The following PTCHD4 variants were observed in gnomAD, a reference collection of about 807,000 sequenced individuals.
PTCHD4 encodes patched domain containing 4, also known as patched domain-containing protein 4.
A neutral mutation model predicts 58.1 loss-of-function variants in PTCHD4; 33 were observed. The observed-to-expected ratio is 0.57, with a 90% CI of 0.43 to 0.76. The LOEUF is 0.76. Among genes scored for constraint, PTCHD4 ranks in the 30% least tolerant of loss-of-function variants. The pLI, the probability that PTCHD4 is intolerant of heterozygous loss-of-function variation, is 0.00. For synonymous variants in PTCHD4, 478 were observed against 409.6 expected (o/e 1.17, Z -2.02); for missense variants, 1,058 against 1,027.1 (o/e 1.03, Z -0.41).
In PTCHD4 at chr6:48,060,882, G is replaced by A. The variant is rs202066376; in HGVS notation, c.417+7348C>T. 2.5e-4 allele frequency among the ~76,000 whole-genome samples: 38 copies of A among 152,316 alleles called. No homozygotes were observed. The East Asian group carries it at 6.4e-3, about 26-fold the overall frequency. ...CATCGACTGTTCCAACACAAATCCTGTAACTAAACACAATCCATTCATTTT... is the reference window on the plus strand; with the variant it reads ...CATCGACTGTTCCAACACAAATCCTATAACTAAACACAATCCATTCATTTT... On this transcript the variant is annotated intron_variant, in intron 3 of 4. Coordinates refer to ENST00000339488, the MANE Select transcript of PTCHD4 (RefSeq NM_001384253.1).
chr6:47,926,347 T>C (rs1765613551), intron 4 of PTCHD4, among the ~76,000 whole-genome samples: 1 of 152,216 alleles, frequency 6.6e-6, no homozygotes, highest in Non-Finnish European at 1.5e-5. Flanking sequence ...AGAACTAGGA[T>C]ACTATTTTTT....
chr6:47,965,310 T>C (rs2113976462), intron 4 of PTCHD4, among the ~76,000 whole-genome samples: 1 of 152,318 alleles, frequency 6.6e-6, no homozygotes, highest in South Asian at 2.1e-4. Flanking sequence ...GTTGCGAAAA[T>C]ATCACCTGTA....
chr6:47,946,315 T>G (rs941573492), intron 4 of PTCHD4, among the ~76,000 whole-genome samples: 1 of 152,172 alleles, frequency 6.6e-6, no homozygotes, highest in Non-Finnish European at 1.5e-5. Flanking sequence ...CAATAGTAAA[T>G]TTTTAATTTA....
intron 4 of PTCHD4, among the ~76,000 whole-genome samples, chr6:47,912,238 C>T (rs77334284): frequency 6.6e-6 from 1 of 152,054 alleles, no homozygotes; most frequent in Non-Finnish European, 1.5e-5. Context: ...ACAATAGACA[C>T]CTTCTTGATC....
Position 47,879,731 on chromosome 6 carries a change from CAT to C in PTCHD4, c.1102_1103del (p.Met368ValfsTer37), listed in dbSNP as rs761613240. 2 of 1,613,618 alleles carry C rather than the reference CAT, an allele frequency of 1.2e-6. No homozygotes were observed. The highest frequency in any genetic ancestry group is 1.1e-5 in the South Asian group (1 of 91,060). On this transcript the variant is annotated frameshift_variant, in exon 5 of 5. Coordinates refer to ENST00000339488, the MANE Select transcript of PTCHD4 (RefSeq NM_001384253.1). LOFTEE classifies it high-confidence loss of function. The part of the protein sequence containing the change: ...IEAVKVFCQN[M>X]CVSILLNYFY... ...AGTAGTTCAACAGAATAGAGACACA[CAT>C]GTTTTGACAGAAGACCTTCACAGCC...
chr6:47,925,967 G>A (rs565515984), intron 4 of PTCHD4, among the ~76,000 whole-genome samples: 9 of 152,192 alleles, frequency 5.9e-5, no homozygotes, highest in Admixed American at 2.0e-4. Flanking sequence ...GGCAGATGAG[G>A]CTTCCAAGAC....
intron 4 of PTCHD4, among the ~76,000 whole-genome samples, chr6:47,890,413 A>G (rs901441176): frequency 1.3e-5 from 2 of 152,076 alleles, no homozygotes; most frequent in Non-Finnish European, 2.9e-5. Flanking sequence ...TTTAAATCCC[A>G]TATCTCCTAC....
chr6:48,008,069 G>T (rs2114080805), intron 4 of PTCHD4, among the ~76,000 whole-genome samples: 1 of 152,148 alleles, frequency 6.6e-6, no homozygotes, highest in East Asian at 1.9e-4. Flanking sequence ...TTTCACCAAA[G>T]ATGAAAAAAA....
Position 47,875,108 on chromosome 6 carries a change from C to T in PTCHD4, c.*3195G>A, listed in dbSNP as rs747054759. Among the ~76,000 whole-genome samples, 1 of 151,812 alleles carries T rather than the reference C, an allele frequency of 6.6e-6. No individual in the cohort carries two copies. The highest frequency in any genetic ancestry group is 3.2e-3 in the Middle Eastern group (1 of 316). On this transcript the variant is annotated 3_prime_UTR_variant, in exon 5 of 5. Coordinates refer to ENST00000339488, the MANE Select transcript of PTCHD4 (RefSeq NM_001384253.1). Reference sequence around the variant, plus strand: ...TTTTTTCAAACTTTATAACCTCTTACTTTAAGGGCATATATGTTTCAATTA... The same window carrying T: ...TTTTTTCAAACTTTATAACCTCTTATTTTAAGGGCATATATGTTTCAATTA...
chr6:47,924,591 A>G (rs768703260), intron 4 of PTCHD4, among the ~76,000 whole-genome samples: 4 of 152,176 alleles, frequency 2.6e-5, no homozygotes, highest in Non-Finnish European at 2.9e-5. Context: ...AGGATTACAG[A>G]CATGAGGTAT....
chr6:48,025,917 T>C (rs1355190179), intron 3 of PTCHD4, among the ~76,000 whole-genome samples: 1 of 151,828 alleles, frequency 6.6e-6, no homozygotes, highest in African/African-American at 2.4e-5. Context: ...ATTGGAAAAA[T>C]AAAGAGATCT....
At chr6:48,028,928 A>G (rs1328412356) in intron 3 of PTCHD4, among the ~76,000 whole-genome samples, 1 of 152,114 alleles carries the variant, frequency 6.6e-6, no homozygotes, top group East Asian at 1.9e-4. Flanking sequence ...GTAAAATGAG[A>G]TATTAAAAAT....
chr6:47,966,393 T>TATA (rs1278362640), intron 4 of PTCHD4, among the ~76,000 whole-genome samples: 1 of 152,228 alleles, frequency 6.6e-6, no homozygotes, highest in Non-Finnish European at 1.5e-5. Flanking sequence ...TTCTGAGCCT[T>TATA]GTGATTTATA....
At chr6:48,048,608 G>C (rs901652765) in intron 3 of PTCHD4, among the ~76,000 whole-genome samples, 1 of 151,810 alleles carries the variant, frequency 6.6e-6, no homozygotes, top group African/African-American at 2.4e-5. Flanking sequence ...TCCCTCCTTT[G>C]TGCCAGTGAC....
intron 4 of PTCHD4, among the ~76,000 whole-genome samples, chr6:47,928,937 T>G (rs1267966527): frequency 6.6e-6 from 1 of 152,194 alleles, no homozygotes; most frequent in Admixed American, 6.5e-5. Flanking sequence ...ATCATGGATT[T>G]TCCACATTAG....
At chr6:47,934,109 G>A (rs976764251) in intron 4 of PTCHD4, among the ~76,000 whole-genome samples, 1 of 152,140 alleles carries the variant, frequency 6.6e-6, no homozygotes, top group African/African-American at 2.4e-5. Context: ...GAGACAGCCA[G>A]GTGGGAGGGG....
rs760056634 is a variant in PTCHD4 at position 47,939,786 on chromosome 6, C to T, written c.899-59850G>A. Among the ~76,000 whole-genome samples the T allele has an allele frequency of 4.9e-4, 74 of 152,126 alleles. 2 individuals carry two copies. The highest frequency in any genetic ancestry group is 1.2e-3 in the African/African-American group (48 of 41,440). On this transcript the variant is annotated intron_variant, in intron 4 of 4. Coordinates refer to ENST00000339488, the MANE Select transcript of PTCHD4 (RefSeq NM_001384253.1). ...GACACGTGATGCTCACTAATCTCAC[C>T]GCAGTTTTACCTGTTATTTATTAAA...
intron 4 of PTCHD4, among the ~76,000 whole-genome samples, chr6:47,974,412 C>A (rs963683186): frequency 6.6e-6 from 1 of 152,088 alleles, no homozygotes; most frequent in Admixed American, 6.5e-5. Flanking sequence ...AAGATAAAAC[C>A]ATCTTTTGAT....
At chr6:48,046,512 T>C (rs867399130) in intron 3 of PTCHD4, among the ~76,000 whole-genome samples, 69 of 152,020 alleles carry the variant, frequency 4.5e-4, no homozygotes, top group African/African-American at 1.5e-3. Context: ...TACCTTTTAA[T>C]GTTAGTTATA....
Sources: allele counts gnomAD v4.1 joint callset (sites outside exome capture counted in the v4.1 genomes callset), GRCh38; gene constraint gnomAD v4.1.1; transcripts MANE v1.5; gene names NCBI Gene and HGNC (gene_info 2026-07-23, HGNC 2026-07-21).